TJP1: variants seen among roughly 807,000 people sequenced by gnomAD.
The protein encoded by TJP1 is tight junction protein ZO-1.
In TJP1, 43 loss-of-function variants were observed where a neutral mutation model predicts 194.2. The observed-to-expected ratio is 0.22, with a 90% confidence interval of 0.17 to 0.29. The LOEUF (loss-of-function observed/expected upper bound fraction) is 0.29, where lower values mean the gene tolerates loss of function less well. TJP1 is among the 10% of genes least tolerant of loss of function. The pLI is 1.00. For missense variants in TJP1, 1,971 were observed against 2,185.7 expected (o/e 0.90, Z 1.96); for synonymous variants, 801 against 779.0 (o/e 1.03, Z -0.47).
intron 8 of TJP1, among the ~76,000 whole-genome samples, chr15:29,746,460 C>T (rs10852002): frequency 0.11 from 16,114 of 151,734 alleles, 935 homozygotes; most frequent in South Asian, 0.22. Context: ...TAGCAGGATA[C>T]CATATAGCTA....
chr15:29,933,676 C>G (rs2054791514), intron 2 of TJP1, among the ~76,000 whole-genome samples: 2 of 152,108 alleles, frequency 1.3e-5, no homozygotes, highest in Non-Finnish European at 2.9e-5. Flanking sequence ...GGTGGCAAAT[C>G]AAGCTTTTTT....
At chr15:29,931,607 G>C (rs2054715966) in intron 2 of TJP1, among the ~76,000 whole-genome samples, 1 of 152,132 alleles carries the variant, frequency 6.6e-6, no homozygotes, top group Non-Finnish European at 1.5e-5. Flanking sequence ...AATGTATAAA[G>C]AAGATCAAAG....
At chr15:29,917,065 T>C (rs983687082) in intron 2 of TJP1, among the ~76,000 whole-genome samples, 2 of 152,202 alleles carry the variant, frequency 1.3e-5, no homozygotes, top group East Asian at 1.9e-4. Flanking sequence ...AAAGTATTCA[T>C]TATTGTTGTT....
intron 2 of TJP1, among the ~76,000 whole-genome samples, chr15:29,894,912 C>T (rs1216310611): frequency 6.6e-6 from 1 of 152,220 alleles, no homozygotes; most frequent in Admixed American, 6.5e-5. Context: ...AAAGCCAAAC[C>T]TGGGGTAGCT....
At chr15:29,745,081 T>C (rs1328756573) in intron 8 of TJP1, among the ~76,000 whole-genome samples, 1 of 152,078 alleles carries the variant, frequency 6.6e-6, no homozygotes, top group African/African-American at 2.4e-5. Context: ...AAATTTGCAG[T>C]CATTCCTAAA....
At chr15:29,741,670 T>C (rs17750802) in intron 9 of TJP1, among the ~76,000 whole-genome samples, 1,986 of 152,288 alleles carry the variant, frequency 0.013, 52 homozygotes, top group East Asian at 0.097. Flanking sequence ...AAAAATCTAT[T>C]CTTTAAGAAC....
chr15:29,771,225 C>T (rs1595836537), intron 4 of TJP1, among the ~76,000 whole-genome samples: 1 of 152,104 alleles, frequency 6.6e-6, no homozygotes, highest in African/African-American at 2.4e-5. Context: ...CATCACAGAA[C>T]GTTATCTTCC....
intron 2 of TJP1, among the ~76,000 whole-genome samples, chr15:29,909,531 T>C (rs74622023): frequency 0.02 from 3,067 of 152,070 alleles, 63 homozygotes; most frequent in South Asian, 0.029. Flanking sequence ...CCTAAGTCCT[T>C]GGAAATATTA....
At chr15:29,943,137 C>T (rs2055141019) in intron 2 of TJP1, among the ~76,000 whole-genome samples, 1 of 152,120 alleles carries the variant, frequency 6.6e-6, no homozygotes, top group South Asian at 2.1e-4. Context: ...TAGAAGATCG[C>T]CACAAGGGAT....
intron 1 of TJP1, among the ~76,000 whole-genome samples, chr15:29,812,218 C>T (rs985398416): frequency 6.6e-6 from 1 of 152,184 alleles, no homozygotes; most frequent in African/African-American, 2.4e-5. Flanking sequence ...TTTACTTGAC[C>T]TCTCTGTGCA....
intron 2 of TJP1, among the ~76,000 whole-genome samples, chr15:29,831,698 GTGTT>G (rs1266183550): frequency 6.6e-6 from 1 of 152,314 alleles, no homozygotes; most frequent in East Asian, 1.9e-4. Flanking sequence ...TATGGACTGA[GTGTT>G]AGATGGGACC....
chr15:29,891,954 C>A (rs756721324), intron 2 of TJP1, among the ~76,000 whole-genome samples: 6 of 152,146 alleles, frequency 3.9e-5, no homozygotes, highest in African/African-American at 7.2e-5. Context: ...CATATTAAAT[C>A]AAAAACTAGA....
chr15:29,866,630 A>C (rs1238483433), intron 2 of TJP1, among the ~76,000 whole-genome samples: 2 of 152,220 alleles, frequency 1.3e-5, no homozygotes, highest in Non-Finnish European at 1.5e-5. Context: ...CAGAAAAAAA[A>C]CAGGCTGCTT....
chr15:29,776,464 TA>T (rs1345464323), intron 2 of TJP1, among the ~76,000 whole-genome samples: 11 of 152,338 alleles, frequency 7.2e-5, no homozygotes, highest in Middle Eastern at 3.4e-3. Flanking sequence ...AGAGTTATTT[TA>T]GTAGCCTTTT....
chr15:29,718,138 A>AG lies in TJP1; in HGVS notation c.3877-21_3877-20insC. On this transcript the variant is annotated intron_variant, in intron 21 of 27. Transcript: ENST00000614355. ...TGGAGGCTGTTTAAAAAAAAAAAAA[A>AG]AAAAAAGACAAATATGCCTAAGGAA... 6.3e-7 allele frequency: 1 copy of AG among 1,589,988 alleles called. No homozygotes were observed. Among genetic ancestry groups the AG allele is most frequent in the East Asian group, 2.2e-5 (1 of 44,774 alleles).
chr15:29,748,898 G>T (rs2151416812), intron 8 of TJP1, among the ~76,000 whole-genome samples: 1 of 151,486 alleles, frequency 6.6e-6, no homozygotes, highest in African/African-American at 2.4e-5. Flanking sequence ...CTATCCTAAT[G>T]GCTCTCCATA....
chr15:29,879,637 T>C (rs954266389), intron 2 of TJP1, among the ~76,000 whole-genome samples: 14 of 152,202 alleles, frequency 9.2e-5, no homozygotes, highest in African/African-American at 3.1e-4. Flanking sequence ...CACACTCCTC[T>C]GGCCACCTGG....
chr15:29,942,003 T>G (rs190628722), intron 2 of TJP1, among the ~76,000 whole-genome samples: 1 of 152,244 alleles, frequency 6.6e-6, no homozygotes, highest in East Asian at 1.9e-4. Context: ...CCACCAGAGC[T>G]GCGTCTCAGC....
chr15:29,908,195 G>A (rs1458896273), intron 2 of TJP1, among the ~76,000 whole-genome samples: 1 of 151,542 alleles, frequency 6.6e-6, no homozygotes, highest in East Asian at 1.9e-4. Context: ...TTTTGAAAGG[G>A]CCTACTCAGC....
Sources: allele counts gnomAD v4.1 joint callset (sites outside exome capture counted in the v4.1 genomes callset), GRCh38; gene constraint gnomAD v4.1.1; transcripts MANE v1.5; gene names NCBI Gene and HGNC (gene_info 2026-07-23, HGNC 2026-07-21).